Variants in ZFYVE28 observed in about 807,000 individuals in gnomAD.
The protein encoded by ZFYVE28 is lateral signaling target protein 2 homolog.
Under a neutral mutation model 82.1 loss-of-function variants are expected in ZFYVE28, and 40 were observed. The ratio of observed to expected loss-of-function variants is 0.49; its 90% CI spans 0.38 to 0.63. The LOEUF (loss-of-function observed/expected upper bound fraction) is 0.63. Among genes scored for constraint, ZFYVE28 ranks in the 30% least tolerant of loss-of-function variants. ZFYVE28 has a pLI of 0.00. For synonymous variants in ZFYVE28, 612 were observed against 546.1 expected, an observed-to-expected ratio of 1.12 and a Z score of -1.68; for missense variants, 1,321 against 1,242.1, an observed-to-expected ratio of 1.06 and a Z score of -0.96.
intron 8 of ZFYVE28, among the ~76,000 whole-genome samples, chr4:2,282,597 T>C (rs1045739099): frequency 1.3e-5 from 2 of 152,190 alleles, no homozygotes; most frequent in African/African-American, 4.8e-5. Context: ...AGAAAGACCA[T>C]AGCAAAGCCC....
chr4:2,274,357 A>G, intron 8 of ZFYVE28, 141 bp from the exon 9 acceptor site: 3 of 1,076,064 alleles, frequency 2.8e-6, no homozygotes, highest in Non-Finnish European at 3.9e-6. Context: ...CAGATACACA[A>G]CTTTCCTGTA....
Position 2,320,345 on chromosome 4 carries a change from C to A in ZFYVE28, c.702-74G>T. 1.4e-6 allele frequency: 2 copies of A among 1,438,892 alleles called. No individual in the cohort carries two copies. Among genetic ancestry groups the A allele is most frequent in the South Asian group, 1.3e-5 (1 of 79,980 alleles). The allele number at this position is 1,438,892 out of a possible 1,614,324, so 89.1% of individuals were successfully genotyped here. Reference sequence around the variant, plus strand: ...GGTGCCGCGGACGGCCCAACTTAACCACCTGCGAAAACCACGCCCGCTGGG... The same window carrying A: ...GGTGCCGCGGACGGCCCAACTTAACAACCTGCGAAAACCACGCCCGCTGGG... On this transcript the variant is annotated intron_variant, in intron 6 of 12. Coordinates refer to ENST00000290974, the MANE Select transcript of ZFYVE28 (RefSeq NM_020972.3). The surrounding 1 kb of genome is among the most constrained non-coding windows in gnomAD (Gnocchi z 5.1).
At chr4:2,358,633 G>A (rs549629542) in intron 1 of ZFYVE28, among the ~76,000 whole-genome samples, 2 of 152,306 alleles carry the variant, frequency 1.3e-5, no homozygotes, top group South Asian at 4.1e-4. Context: ...AGACTGCCCT[G>A]CCAGGCCTGC....
intron 8 of ZFYVE28, among the ~76,000 whole-genome samples, chr4:2,301,287 C>T (rs1040648694): frequency 6.6e-6 from 1 of 152,200 alleles, no homozygotes; most frequent in African/African-American, 2.4e-5. Context: ...GTGCACACCG[C>T]CTGTGCCTTG....
intron 4 of ZFYVE28, among the ~76,000 whole-genome samples, chr4:2,338,159 C>T (rs567882551): frequency 6.6e-6 from 1 of 152,260 alleles, no homozygotes. Context: ...CATGAACCTC[C>T]GCACGTGGAC....
At chr4:2,280,815 G>A (rs765904553) in intron 8 of ZFYVE28, among the ~76,000 whole-genome samples, 3 of 152,190 alleles carry the variant, frequency 2.0e-5, no homozygotes, top group South Asian at 2.1e-4. Context: ...ATTCAGCCCC[G>A]CAGCTCCAGC....
intron 2 of ZFYVE28, among the ~76,000 whole-genome samples, chr4:2,346,543 C>T (rs1723624245): frequency 6.6e-6 from 1 of 150,836 alleles, no homozygotes; most frequent in Admixed American, 6.6e-5. Context: ...AAAAAAATAC[C>T]CTAACAACAT....
rs1391368780 is a variant in ZFYVE28, at chr4:2,362,085, C to T, written c.40-8012G>A. On this transcript the variant is annotated intron_variant, in intron 1 of 12. Transcript: ENST00000290974. The surrounding 1 kb of genome is among the most constrained non-coding windows in gnomAD (Gnocchi z 5.1). ...AGCTCCAGTTCCCAAGACAGACCAC[C>T]CCAGGCAGCCAGCTCCCTACCCCTA... is the stretch of plus-strand genomic sequence containing the variant. Among the ~76,000 whole-genome samples, 2 of 152,152 alleles carry T rather than the reference C, an allele frequency of 1.3e-5. No homozygotes were observed. The highest frequency in any genetic ancestry group is 4.8e-5 in the African/African-American group (2 of 41,418).
At chr4:2,350,353 A>G (rs1724207929) in intron 2 of ZFYVE28, among the ~76,000 whole-genome samples, 1 of 151,656 alleles carries the variant, frequency 6.6e-6, no homozygotes, top group Non-Finnish European at 1.5e-5. Context: ...AGTCCCAGCT[A>G]CTCGGGAGGC....
At chr4:2,275,504 A>G (rs1288421118) in intron 8 of ZFYVE28, among the ~76,000 whole-genome samples, 1 of 152,098 alleles carries the variant, frequency 6.6e-6, no homozygotes, top group Non-Finnish European at 1.5e-5. Flanking sequence ...TCTTTTCTCT[A>G]CCTAGAAATA....
At chr4:2,399,079 C>CGTGGTG (rs1730854963) in intron 1 of ZFYVE28, among the ~76,000 whole-genome samples, 3 of 73,354 alleles carry the variant, frequency 4.1e-5, no homozygotes, top group Admixed American at 1.8e-4. Context: ...AGGGCACAAG[C>CGTGGTG]GTGAAGGTGA....
intron 8 of ZFYVE28, chr4:2,295,567 A>G (rs1714426104): frequency 6.6e-6 from 1 of 151,784 alleles, no homozygotes; most frequent in Non-Finnish European, 1.5e-5. Context: ...TTTCCTGCCC[A>G]CCCTGCCCAC....
chr4:2,331,237 G>A (rs1299976134), intron 6 of ZFYVE28, among the ~76,000 whole-genome samples: 1 of 152,104 alleles, frequency 6.6e-6, no homozygotes, highest in Non-Finnish European at 1.5e-5. Flanking sequence ...AGCTGTGAGT[G>A]CAGACGGGCG....
chr4:2,327,590 G>C (rs1279084458), intron 6 of ZFYVE28, among the ~76,000 whole-genome samples: 1 of 151,650 alleles, frequency 6.6e-6, no homozygotes, highest in East Asian at 1.9e-4. Context: ...TTCACTCAGT[G>C]GTACCCTTGA....
At chr4:2,308,698 A>AAAAAAGAAAAGAAAAG (rs1717054266) in intron 7 of ZFYVE28, among the ~76,000 whole-genome samples, 4 of 140,528 alleles carry the variant, frequency 2.8e-5, no homozygotes, top group South Asian at 4.4e-4. Context: ...AAAAGAAAAG[A>AAAAAAGAAAAGAAAAG]AAAGAAAAAA....
chr4:2,403,649 C>T (rs560706069), intron 1 of ZFYVE28, among the ~76,000 whole-genome samples: 6 of 152,266 alleles, frequency 3.9e-5, no homozygotes, highest in South Asian at 2.1e-4. Context: ...ACCCCGCCTC[C>T]GATGACCCAC....
At position 2,306,072 on chromosome 4, in the gene ZFYVE28, G is replaced by A. The variant is rs1287847639; in HGVS notation, c.804-536C>T. ...CAAACAATGACTGAACTACAATAAT[G>A]ACAGCTGCAACCAAAGACAATGCAA... On this transcript the variant is annotated intron_variant, in intron 7 of 12. Coordinates refer to ENST00000290974, the MANE Select transcript of ZFYVE28 (RefSeq NM_020972.3). 3.9e-5 allele frequency among the ~76,000 whole-genome samples: 6 copies of A among 152,234 alleles called. No homozygotes were observed. In the East Asian group the frequency reaches 1.2e-3, roughly 29 times the overall value.
chr4:2,349,718 A>G (rs1314741149), intron 2 of ZFYVE28, among the ~76,000 whole-genome samples: 7 of 148,962 alleles, frequency 4.7e-5, no homozygotes, highest in African/African-American at 1.8e-4. Flanking sequence ...AAAAGTCAGT[A>G]TTTATCGAGT....
At chr4:2,277,188 T>C (rs1255463089) in intron 8 of ZFYVE28, among the ~76,000 whole-genome samples, 1 of 152,216 alleles carries the variant, frequency 6.6e-6, no homozygotes, top group Non-Finnish European at 1.5e-5. Flanking sequence ...AGGCTTTTTT[T>C]TAAAGATCAC....
Sources: gnomAD v4.1 joint callset for allele counts (sites outside exome capture counted in the v4.1 genomes callset) on GRCh38, gnomAD v4.1.1 for gene constraint, Gnocchi (gnomAD v3.1) non-coding constraint, MANE v1.5 for transcripts, NCBI Gene and HGNC (gene_info 2026-07-23, HGNC 2026-07-21) for gene names.